The following AP3B1 variants were observed in gnomAD, a reference collection of about 807,000 sequenced individuals.
The protein encoded by AP3B1 is AP-3 complex subunit beta-1.
Under a neutral mutation model 132.5 loss-of-function variants are expected in AP3B1, and 61 were observed. The ratio of observed to expected loss-of-function variants is 0.46; its 90% CI spans 0.37 to 0.57. AP3B1 has a LOEUF of 0.57. Ranked by LOEUF, AP3B1 falls within the 20% of genes least tolerant of loss-of-function variation. AP3B1 has a pLI of 0.00. For missense variants in AP3B1, 1,120 were observed against 1,289.4 expected, an observed-to-expected ratio of 0.87 and a Z score of 2.01; for synonymous variants, 388 against 438.3, an observed-to-expected ratio of 0.89 and a Z score of 1.43.
In AP3B1 at chr5:78,227,318, T is replaced by C. The variant is rs1746437187; in HGVS notation, c.536+54A>G. The C allele has an allele frequency of 7.7e-6, 12 of 1,566,586 alleles. No homozygotes were observed. In the South Asian group the frequency reaches 1.3e-4, roughly 17 times the overall value. ...GAATAAAACAAGCCTCTGTGGTCTATAACATTCCATGTAACATCAGAGATC... is the reference window on the plus strand; with the variant it reads ...GAATAAAACAAGCCTCTGTGGTCTACAACATTCCATGTAACATCAGAGATC... On this transcript the variant is annotated intron_variant, in intron 5 of 26. Coordinates refer to ENST00000255194, the MANE Select transcript of AP3B1 (RefSeq NM_003664.5).
chr5:78,213,209 C>T (rs956862886), intron 7 of AP3B1, among the ~76,000 whole-genome samples: 3 of 152,132 alleles, frequency 2.0e-5, no homozygotes, highest in Non-Finnish European at 4.4e-5. Flanking sequence ...CTAAAACTAC[C>T]ATGTGTAGTC....
intron 11 of AP3B1, among the ~76,000 whole-genome samples, chr5:78,167,247 A>G (rs890453005): frequency 4.6e-5 from 7 of 152,236 alleles, no homozygotes; most frequent in African/African-American, 9.6e-5. Context: ...AATGCTCAAC[A>G]TCACTACTTA....
chr5:78,237,125 T>C (rs935821294), intron 3 of AP3B1, among the ~76,000 whole-genome samples: 1 of 152,198 alleles, frequency 6.6e-6, no homozygotes, highest in African/African-American at 2.4e-5. Context: ...CTTAGTCTAA[T>C]TGAGTTTATA....
At chr5:78,122,354 A>C (rs1283971836) in intron 17 of AP3B1, among the ~76,000 whole-genome samples, 1 of 152,242 alleles carries the variant, frequency 6.6e-6, no homozygotes, top group East Asian at 1.9e-4. Context: ...CAGGGCAGTT[A>C]GGCAGGAGAA....
chr5:78,205,355 G>A (rs1227888237), intron 7 of AP3B1, among the ~76,000 whole-genome samples: 2 of 151,702 alleles, frequency 1.3e-5, no homozygotes, highest in African/African-American at 4.8e-5. Context: ...TACTAAGTAA[G>A]CTGAATGTAT....
At position 78,252,233 on chromosome 5, in the gene AP3B1, C is replaced by T. The variant is rs1366048047; in HGVS notation, c.205-11297G>A. 2.0e-5 allele frequency among the ~76,000 whole-genome samples: 3 copies of T among 152,186 alleles called. No individual in the cohort carries two copies. In the East Asian group the frequency reaches 5.8e-4, roughly 29 times the overall value. On this transcript the variant is annotated intron_variant, in intron 2 of 26. Transcript: ENST00000255194. ...TTGGTGAACCACTGAGACTTGTTGG[C>T]TTCAGGTGAGACTCAGCACATTCCC...
intron 26 of AP3B1, among the ~76,000 whole-genome samples, chr5:78,012,206 G>C (rs1384662600): frequency 6.6e-6 from 1 of 151,710 alleles, no homozygotes; most frequent in Non-Finnish European, 1.5e-5. Flanking sequence ...ATTCCATGGA[G>C]TAGGGTAATA....
At chr5:78,025,156 G>C (rs1747288179) in intron 24 of AP3B1, among the ~76,000 whole-genome samples, 1 of 152,062 alleles carries the variant, frequency 6.6e-6, no homozygotes, top group Non-Finnish European at 1.5e-5. Flanking sequence ...TCAAAAGTTA[G>C]GGAACCACTG....
At chr5:78,136,991 T>A (rs1752945377) in intron 15 of AP3B1, among the ~76,000 whole-genome samples, 1 of 152,142 alleles carries the variant, frequency 6.6e-6, no homozygotes, top group Non-Finnish European at 1.5e-5. Flanking sequence ...AGCCAGGCAG[T>A]CTATTTACCA....
intron 4 of AP3B1, 29 bp from the exon 5 acceptor site, chr5:78,227,561 A>C: frequency 1.9e-6 from 3 of 1,611,760 alleles, no homozygotes; most frequent in South Asian, 1.1e-5. Flanking sequence ...TATTCACCAA[A>C]ATTTCAACTT....
chr5:78,204,251 G>A (rs1387030541), intron 7 of AP3B1, among the ~76,000 whole-genome samples: 2 of 152,234 alleles, frequency 1.3e-5, no homozygotes, highest in Non-Finnish European at 2.9e-5. Flanking sequence ...TCAGGTTTTT[G>A]TTTGTTTGTT....
Position 78,126,504 on chromosome 5 carries a change from C to CAAAA in AP3B1, c.1968+1522_1968+1525dup, listed in dbSNP as rs70997969. On this transcript the variant is annotated intron_variant, in intron 17 of 26. Transcript: ENST00000255194. ...TGGGTGACAGAGCAAGACTCTGTCT[C>CAAAA]AAAAAAAAAAAAAAAAAAAAAAAAA... Among the ~76,000 whole-genome samples the CAAAA allele has an allele frequency of 7.1e-4, 44 of 62,372 alleles. 1 individual carries two copies. The highest frequency in any genetic ancestry group is 2.0e-3 in the African/African-American group (26 of 12,780). The allele number at this position is 62,372 out of a possible 152,430, so 40.9% of individuals were successfully genotyped here.
At chr5:78,292,852 C>T (rs1024371258) in intron 1 of AP3B1, among the ~76,000 whole-genome samples, 1 of 151,404 alleles carries the variant, frequency 6.6e-6, no homozygotes, top group Non-Finnish European at 1.5e-5. Context: ...TTTTCCAAAT[C>T]AGGTCCAAAT....
At chr5:78,133,467 G>A (rs1752769407) in intron 15 of AP3B1, among the ~76,000 whole-genome samples, 1 of 152,126 alleles carries the variant, frequency 6.6e-6, no homozygotes, top group African/African-American at 2.4e-5. Flanking sequence ...AATTAACTGT[G>A]CTATTTTAAG....
intron 11 of AP3B1, among the ~76,000 whole-genome samples, chr5:78,168,934 C>A (rs1318410736): frequency 6.6e-6 from 1 of 151,988 alleles, no homozygotes; most frequent in Non-Finnish European, 1.5e-5. Context: ...GATAAAATAT[C>A]CTTGAATTTG....
intron 21 of AP3B1, among the ~76,000 whole-genome samples, chr5:78,094,470 A>G (rs1028939982): frequency 1.4e-4 from 21 of 152,248 alleles, no homozygotes; most frequent in African/African-American, 4.8e-4. Flanking sequence ...TGTGCTCATG[A>G]TAACATTCCC....
chr5:78,006,671 A>G (rs1005129633), intron 26 of AP3B1, among the ~76,000 whole-genome samples: 3 of 152,208 alleles, frequency 2.0e-5, no homozygotes, highest in Non-Finnish European at 4.4e-5. Flanking sequence ...GAGAACAAAT[A>G]AGTGCGATGA....
chr5:78,223,986 A>T (rs912148111), intron 6 of AP3B1, among the ~76,000 whole-genome samples: 3 of 152,204 alleles, frequency 2.0e-5, no homozygotes, highest in Non-Finnish European at 2.9e-5. Context: ...ACTCATTAAA[A>T]TGACAGATCT....
intron 7 of AP3B1, among the ~76,000 whole-genome samples, chr5:78,191,382 G>A (rs1321228380): frequency 7.3e-6 from 1 of 137,632 alleles, no homozygotes; most frequent in African/African-American, 3.0e-5. Context: ...AAAAAAGGAT[G>A]TGTTAATTAG....
Sources: allele counts gnomAD v4.1 joint callset (sites outside exome capture counted in the v4.1 genomes callset), GRCh38; gene constraint gnomAD v4.1.1; transcripts MANE v1.5; gene names NCBI Gene and HGNC (gene_info 2026-07-23, HGNC 2026-07-21).